CSMD2: variants seen among roughly 807,000 people sequenced by gnomAD.
The protein encoded by CSMD2 is CUB and Sushi multiple domains 2.
CSMD2 carries 130 observed loss-of-function variants against 398.5 expected under a neutral mutation model. The ratio of observed to expected loss-of-function variants is 0.33; its 90% CI spans 0.28 to 0.38. CSMD2 has a LOEUF of 0.38. CSMD2 is among the 10% of genes least tolerant of loss of function. The pLI, the probability that CSMD2 is intolerant of heterozygous loss-of-function variation, is 1.00. For synonymous variants in CSMD2, 1,828 were observed against 1,908.5 expected (o/e 0.96, Z 1.10); for missense variants, 3,829 against 4,764.9 (o/e 0.80, Z 5.78).
At chr1:33,782,057 A>G (rs1341441026) in intron 12 of CSMD2, among the ~76,000 whole-genome samples, 4 of 152,176 alleles carry the variant, frequency 2.6e-5, no homozygotes, top group Non-Finnish European at 5.9e-5. Flanking sequence ...AAATTGGGAC[A>G]GAGTGGGTAT....
chr1:33,828,087 C>T (rs1272035078), intron 6 of CSMD2, among the ~76,000 whole-genome samples: 1 of 152,186 alleles, frequency 6.6e-6, no homozygotes, highest in East Asian at 1.9e-4. Context: ...ACTGTGTAAT[C>T]TGAATGCCTG....
At position 33,524,912 on chromosome 1, in the gene CSMD2, C is replaced by T. The variant is rs767726610; in HGVS notation, c.10366G>A (p.Asp3456Asn). Residue 3456 changes from aspartate to asparagine, a missense_variant, in exon 66 of 71, where the codon GAC (aspartate) becomes AAC (asparagine). Around this residue, in one of 5 missense-constraint regions of CSMD2, gnomAD observed 917 missense variants for 1,199.5 expected, o/e 0.76. Coordinates refer to ENST00000373381, the MANE Select transcript of CSMD2 (RefSeq NM_001281956.2). The part of the protein sequence containing the change: ...ANSKVNATMI[D>N]HSGVELHLAG... ...AAGTGCAGCTCCACGCCACTGTGGT[C>T]GATCATGGTGGCATTGACCTTGCTG... 7 of 1,614,172 alleles carry T rather than the reference C, an allele frequency of 4.3e-6. No homozygotes were observed. Among genetic ancestry groups the T allele is most frequent in the East Asian group, 2.2e-5 (1 of 44,876 alleles).
chr1:34,133,843 G>A (rs978636347), intron 1 of CSMD2, among the ~76,000 whole-genome samples: 3 of 151,732 alleles, frequency 2.0e-5, no homozygotes, highest in African/African-American at 7.3e-5. Flanking sequence ...GGCCGAGGTG[G>A]GCGGATCACG....
intron 5 of CSMD2, among the ~76,000 whole-genome samples, chr1:33,895,013 C>T (rs552679376): frequency 6.6e-6 from 1 of 152,232 alleles, no homozygotes. Flanking sequence ...TGAGCTTCCA[C>T]TTCCACATCA....
intron 11 of CSMD2, among the ~76,000 whole-genome samples, chr1:33,790,051 T>A (rs1385879024): frequency 6.6e-6 from 1 of 152,158 alleles, no homozygotes; most frequent in Non-Finnish European, 1.5e-5. Flanking sequence ...GTTCTCTCTA[T>A]GTCAAAGCAC....
chr1:33,595,787 C>A (rs1194650736), intron 44 of CSMD2, among the ~76,000 whole-genome samples: 2 of 152,192 alleles, frequency 1.3e-5, no homozygotes, highest in African/African-American at 4.8e-5. Flanking sequence ...TTGGGATTAG[C>A]CATTTCTTCA....
At chr1:33,656,664 T>C (rs1266472620) in intron 27 of CSMD2, among the ~76,000 whole-genome samples, 1 of 152,096 alleles carries the variant, frequency 6.6e-6, no homozygotes, top group African/African-American at 2.4e-5. Flanking sequence ...GGGGAGGCAG[T>C]GTGGGAGGTA....
chr1:33,871,798 A>G (rs1640486860), intron 5 of CSMD2, among the ~76,000 whole-genome samples: 2 of 152,142 alleles, frequency 1.3e-5, no homozygotes, highest in South Asian at 4.2e-4. Context: ...CGTATTTTTC[A>G]TAGAGATGGG....
At position 34,106,897 on chromosome 1, in the gene CSMD2, T is replaced by A. The variant is rs78744918; in HGVS notation, c.188-17704A>T. 6.6e-3 allele frequency among the ~76,000 whole-genome samples: 1,002 copies of A among 152,364 alleles called. 11 individuals carry two copies. The highest frequency in any genetic ancestry group is 0.05 in the East Asian group (261 of 5,186). On this transcript the variant is annotated intron_variant, in intron 1 of 70. Transcript: ENST00000373381. ...GACATGTTTAACACAGAAGCCACCATTGCGGACCAAACATGATTTTCCCTG... is the reference window on the plus strand; with the variant it reads ...GACATGTTTAACACAGAAGCCACCAATGCGGACCAAACATGATTTTCCCTG...
rs183750972 is a variant in CSMD2 at position 33,517,745 on chromosome 1, C to T, written c.*54-1175G>A. Among the ~76,000 whole-genome samples, 37 of 152,270 alleles carry T rather than the reference C, an allele frequency of 2.4e-4. No individual in the cohort carries two copies. The East Asian group carries it at 6.6e-3, about 27-fold the overall frequency. On this transcript the variant is annotated intron_variant, in intron 70 of 70. Transcript: ENST00000373381. ...GCTCTTTCCATAAATTGTTTGTATTCAGGAGCTGCATCTGCTGAGTCCCTG... is the reference window on the plus strand; with the variant it reads ...GCTCTTTCCATAAATTGTTTGTATTTAGGAGCTGCATCTGCTGAGTCCCTG...
chr1:33,832,600 C>G (rs1415002478), intron 6 of CSMD2, among the ~76,000 whole-genome samples: 1 of 148,324 alleles, frequency 6.7e-6, no homozygotes, highest in East Asian at 2.0e-4. Flanking sequence ...ACTAGAGAAG[C>G]AAGAGCAAAC....
At chr1:33,558,072 A>G (rs950714653) in intron 54 of CSMD2, 150 bp from the exon 55 acceptor site, 16 of 652,956 alleles carry the variant, frequency 2.5e-5, no homozygotes, top group Non-Finnish European at 3.7e-5. Context: ...ACCTGGTCAG[A>G]AGAGTCATCC....
intron 2 of CSMD2, among the ~76,000 whole-genome samples, chr1:34,048,807 T>C (rs1412443593): frequency 6.6e-6 from 1 of 152,180 alleles, no homozygotes; most frequent in African/African-American, 2.4e-5. Context: ...AGCTGCTGCA[T>C]AGCCACCACC....
intron 22 of CSMD2, among the ~76,000 whole-genome samples, chr1:33,706,765 A>AGTGT (rs138885180): frequency 1.6e-4 from 24 of 150,972 alleles, no homozygotes; most frequent in Admixed American, 1.3e-4. Context: ...GGTGCTAAAG[A>AGTGT]GTGTGTGTGT....
chr1:34,019,848 C>T (rs113622479), intron 3 of CSMD2, among the ~76,000 whole-genome samples: 193 of 152,306 alleles, frequency 1.3e-3, no homozygotes, highest in African/African-American at 4.4e-3. Flanking sequence ...TCATACTCCA[C>T]AACTGCCCTT....
At chr1:33,773,743 A>C (rs1651592569) in intron 12 of CSMD2, among the ~76,000 whole-genome samples, 1 of 152,170 alleles carries the variant, frequency 6.6e-6, no homozygotes, top group Non-Finnish European at 1.5e-5. Flanking sequence ...GGAGGTCATG[A>C]AGCCAGTGCC....
At chr1:33,626,268 C>A in intron 33 of CSMD2, among the ~76,000 whole-genome samples, 1 of 152,200 alleles carries the variant, frequency 6.6e-6, no homozygotes, top group East Asian at 1.9e-4. Flanking sequence ...TGATTTCCTT[C>A]CTCATTAAAC....
At chr1:34,031,395 C>T (rs1200247928) in intron 3 of CSMD2, among the ~76,000 whole-genome samples, 1 of 152,172 alleles carries the variant, frequency 6.6e-6, no homozygotes, top group South Asian at 2.1e-4. Flanking sequence ...AGAAATTAGG[C>T]TATTTCAGGA....
chr1:34,127,433 G>T (rs1662860450), intron 1 of CSMD2, among the ~76,000 whole-genome samples: 1 of 152,186 alleles, frequency 6.6e-6, no homozygotes, highest in African/African-American at 2.4e-5. Flanking sequence ...ACAGATGGAA[G>T]AAAGGGGTCC....
Sources: allele counts gnomAD v4.1 joint callset (sites outside exome capture counted in the v4.1 genomes callset), GRCh38; gene constraint gnomAD v4.1.1; regional missense constraint gnomAD v4.1.1; transcripts MANE v1.5; gene names NCBI Gene and HGNC (gene_info 2026-07-23, HGNC 2026-07-21).